NOP56: variants seen among roughly 807,000 people sequenced by gnomAD.
The protein encoded by NOP56 is nucleolar protein 56.
Under a neutral mutation model 58.3 loss-of-function variants are expected in NOP56, and 31 were observed. The ratio of observed to expected loss-of-function variants is 0.53; its 90% CI spans 0.40 to 0.72. The LOEUF (loss-of-function observed/expected upper bound fraction) is 0.72, where lower values mean the gene tolerates loss of function less well. NOP56 is among the 30% of genes least tolerant of loss of function. The pLI is 0.00. For synonymous variants in NOP56, 313 were observed against 282.8 expected (o/e 1.11, Z -1.07); for missense variants, 669 against 739.9 (o/e 0.90, Z 1.11).
At chr20:2,655,216 A>G (rs768147672) in intron 5 of NOP56, 109 bp from the exon 6 acceptor site, 1 of 1,365,776 alleles carries the variant, frequency 7.3e-7, no homozygotes, top group South Asian at 1.2e-5. Flanking sequence ...GAAGATTTGG[A>G]TCTTTGTCCC....
intron 11 of NOP56, 121 bp downstream of exon 11, chr20:2,657,339 C>G: frequency 7.3e-7 from 1 of 1,371,424 alleles, no homozygotes; most frequent in Non-Finnish European, 1.0e-6. Flanking sequence ...AAACAAGGAC[C>G]TGAAACATCT....
chr20:2,655,814 T>C, intron 7 of NOP56, 68 bp downstream of exon 7: 1 of 1,612,076 alleles, frequency 6.2e-7, no homozygotes, highest in Non-Finnish European at 8.5e-7. Context: ...ACTGCTGTAT[T>C]TCGTGACCCA....
chr20:2,653,460 G>A, intron 3 of NOP56, 67 bp downstream of exon 3: 1 of 1,355,190 alleles, frequency 7.4e-7, no homozygotes, highest in Non-Finnish European at 1.1e-6. Context: ...CGGGCAGCTT[G>A]TGATAGTATT....
chr20:2,656,229 A>G, intron 8 of NOP56, 172 bp from the exon 9 acceptor site: 3 of 1,604,780 alleles, frequency 1.9e-6, no homozygotes, highest in South Asian at 1.1e-5. Context: ...GCGACATTGG[A>G]TGCCTTCCCT....
intron 2 of NOP56, 155 bp from the exon 3 acceptor site, chr20:2,653,124 C>T (rs1470327782): frequency 2.5e-6 from 2 of 796,272 alleles, no homozygotes; most frequent in Non-Finnish European, 4.1e-6. Context: ...ATAAGCCTCC[C>T]GGACGCCGCC....
rs1185988515 is a variant in NOP56 at position 2,655,357 on chromosome 20, T to A, written c.602T>A (p.Val201Glu). ...TACGGGTATCACTTTCCGGAGCTGG[T>A]GAAGATCATCAACGACAATGCCACA... Reference protein sequence around the residue: ...EWYGYHFPELVKIINDNATYC... With the variant: ...EWYGYHFPELEKIINDNATYC... The change falls in exon 6 of 12, where the codon GTG becomes GAG. Residue 201 changes from valine to glutamate, a missense_variant. Around this residue, in one of 3 missense-constraint regions of NOP56, gnomAD observed 339 missense variants for 430.5 expected, o/e 0.79. Coordinates refer to ENST00000329276, the MANE Select transcript of NOP56 (RefSeq NM_006392.4). 6.2e-7 allele frequency: 1 copy of A among 1,614,014 alleles called. No individual in the cohort carries two copies. Among genetic ancestry groups the A allele is most frequent in the African/African-American group, 1.3e-5 (1 of 74,902 alleles).
rs779374890 is a variant in NOP56, at chr20:2,652,825, C to A, written c.4-17C>A. On this transcript the variant is annotated splice_polypyrimidine_tract_variant and intron_variant, in intron 1 of 11. Transcript: ENST00000329276. ...GCTGAGGTTGCGTTGACGCTCGCGC[C>A]CCGGCTCCCGTTCCAGGTGCTGTTG... 72 of 1,606,264 alleles carry A rather than the reference C, an allele frequency of 4.5e-5. No homozygotes were observed. Among genetic ancestry groups the A allele is most frequent in the Non-Finnish European group, 5.9e-5 (70 of 1,177,144 alleles).
In NOP56 at chr20:2,652,670, A is replaced by G; in HGVS notation, c.3+7A>G. The stretch of plus-strand genomic sequence containing the variant: ...CCCGGGAGCTGGCGCCATGGTGAGG[A>G]GTGGTTGCGGGGCGCGGGCGACGCG... On this transcript the variant is annotated splice_region_variant and intron_variant, in intron 1 of 11. Coordinates refer to ENST00000329276, the MANE Select transcript of NOP56 (RefSeq NM_006392.4). 5 of 1,452,566 alleles carry G rather than the reference A, an allele frequency of 3.4e-6. No individual in the cohort carries two copies. Among genetic ancestry groups the G allele is most frequent in the South Asian group, 1.4e-5 (1 of 69,972 alleles). 90.0% of individuals were successfully genotyped at this position (1,452,566 alleles called of 1,614,324 possible). A position where few individuals can be genotyped will look rare whatever the true frequency, so the allele number is the denominator to read the frequency against.
chr20:2,658,392 G>A lies in NOP56; in HGVS notation c.*98G>A. On this transcript the variant is annotated 3_prime_UTR_variant, in exon 12 of 12. Coordinates refer to ENST00000329276, the MANE Select transcript of NOP56 (RefSeq NM_006392.4). ...TTCCCCAATAAAAACAAATTCACAA[G>A]AGTTGGTTCATGTTCTTTATTGAAC... 1 of 1,612,290 alleles carries A rather than the reference G, an allele frequency of 6.2e-7. No individual in the cohort carries two copies. Among genetic ancestry groups the A allele is most frequent in the Middle Eastern group, 1.7e-4 (1 of 6,056 alleles).
At chr20:2,657,798 C>A in intron 11 of NOP56, 131 bp from the exon 12 acceptor site, 1 of 1,021,726 alleles carries the variant, frequency 9.8e-7, no homozygotes, top group Non-Finnish European at 1.4e-6. Flanking sequence ...TAAAGTTATA[C>A]CCACACAATT....
chr20:2,656,086 G>A (rs1450484001), intron 8 of NOP56, 52 bp downstream of exon 8: 2 of 1,613,834 alleles, frequency 1.2e-6, no homozygotes, highest in Non-Finnish European at 1.7e-6. Flanking sequence ...GGTGCCCACT[G>A]CTTGTTGGGG....
chr20:2,657,056 C>T, intron 10 of NOP56, 25 bp from the exon 11 acceptor site: 1 of 1,613,982 alleles, frequency 6.2e-7, no homozygotes, highest in Non-Finnish European at 8.5e-7. Flanking sequence ...GTCTTCAGGC[C>T]CTTTTAGCAC....
At chr20:2,653,234 G>T in intron 2 of NOP56, 45 bp from the exon 3 acceptor site, 1 of 1,478,480 alleles carries the variant, frequency 6.8e-7, no homozygotes, top group Non-Finnish European at 9.5e-7. Flanking sequence ...CGCCGCAGAG[G>T]CAGGAGGGAG....
At chr20:2,653,629 C>T in intron 3 of NOP56, 2 of 507,150 alleles carry the variant, frequency 3.9e-6, no homozygotes, top group Non-Finnish European at 3.5e-6. Flanking sequence ...TTAACGTTTC[C>T]TTGTGGGCAC....
intron 8 of NOP56, 34 bp downstream of exon 8, chr20:2,656,068 C>T (rs1273256082): frequency 1.9e-6 from 3 of 1,613,864 alleles, no homozygotes; most frequent in Non-Finnish European, 2.5e-6. Flanking sequence ...CAATCAGGTG[C>T]CACTTCTGGT....
chr20:2,656,998 A>T, intron 10 of NOP56, 83 bp from the exon 11 acceptor site: 1 of 1,613,878 alleles, frequency 6.2e-7, no homozygotes, highest in Non-Finnish European at 8.5e-7. Context: ...AACTGATTTA[A>T]TGAGCCTGAT....
At position 2,655,412 on chromosome 20, in the gene NOP56, C is replaced by G. The variant is rs1415457938; in HGVS notation, c.657C>G (p.Asn219Lys). ...GCCGTCTTGCCCAGTTTATTGGAAA[C>G]CGAAGGGAACTGAATGAGGACAAGC... ...TYCRLAQFIGNRRELNEDKLE... is the reference protein window; with the variant it reads ...TYCRLAQFIGKRRELNEDKLE... Residue 219 changes from asparagine (N) to lysine (K), a missense_variant, in exon 6 of 12, where the codon AAC becomes AAG. Around this residue, in one of 3 missense-constraint regions of NOP56, gnomAD observed 339 missense variants for 430.5 expected, o/e 0.79. Coordinates refer to ENST00000329276, the MANE Select transcript of NOP56 (RefSeq NM_006392.4). 6.2e-7 allele frequency: 1 copy of G among 1,613,946 alleles called. No individual in the cohort carries two copies. The highest frequency in any genetic ancestry group is 8.5e-7 in the Non-Finnish European group (1 of 1,180,032).
At chr20:2,657,024 A>T in intron 10 of NOP56, 57 bp from the exon 11 acceptor site, 1 of 1,614,116 alleles carries the variant, frequency 6.2e-7, no homozygotes, top group Non-Finnish European at 8.5e-7. Flanking sequence ...AAAGCCAGAA[A>T]GGAGTCCTCA....
At chr20:2,653,087 T>C (rs1375928748) in intron 2 of NOP56, 156 bp downstream of exon 2, 1 of 768,410 alleles carries the variant, frequency 1.3e-6, no homozygotes, top group Non-Finnish European at 2.1e-6. Context: ...CCTTGACCCA[T>C]GGGTAGAATC....
Sources: gnomAD v4.1 joint callset for allele counts on GRCh38, gnomAD v4.1.1 for gene constraint, gnomAD v4.1.1 regional missense constraint, MANE v1.5 for transcripts, NCBI Gene and HGNC (gene_info 2026-07-23, HGNC 2026-07-21) for gene names.